Variants in GYPC observed in about 807,000 individuals in gnomAD.
The protein encoded by GYPC is glycophorin C (Gerbich blood group).
A neutral mutation model predicts 12.6 loss-of-function variants in GYPC; 14 were observed. That is an observed-to-expected ratio of 1.11 (90% CI 0.74 to 1.74). The LOEUF is 1.74. Among genes scored for constraint, GYPC ranks in the 40% most tolerant of loss-of-function variants. GYPC has a pLI of 0.00. For missense variants in GYPC, 225 were observed against 172.1 expected, an observed-to-expected ratio of 1.31 and a Z score of -1.72; for synonymous variants, 78 against 62.1, an observed-to-expected ratio of 1.26 and a Z score of -1.20.
intron 3 of GYPC, 113 bp from the exon 4 acceptor site, chr2:126,695,833 T>C: frequency 1.5e-5 from 12 of 815,330 alleles, no homozygotes; most frequent in Non-Finnish European, 2.6e-5. Flanking sequence ...GGAGCATCTC[T>C]TTTGGTTGTG....
In GYPC at chr2:126,682,090, G is replaced by A. The variant is rs928958028; in HGVS notation, c.50-8165G>A. Among the ~76,000 whole-genome samples, 8 of 152,354 alleles carry A rather than the reference G, an allele frequency of 5.3e-5. No homozygotes were observed. In the East Asian group the frequency reaches 1.5e-3, roughly 29 times the overall value. On this transcript the variant is annotated intron_variant, in intron 1 of 3. Transcript: ENST00000259254. ...GTTCTGCGCTCCAGCCACCTCCGGTGGAGCTTGGAGCTGGCAAGTCAAGCA... is the reference window on the plus strand; with the variant it reads ...GTTCTGCGCTCCAGCCACCTCCGGTAGAGCTTGGAGCTGGCAAGTCAAGCA...
chr2:126,658,922 G>C (rs1434836406), intron 1 of GYPC, among the ~76,000 whole-genome samples: 1 of 152,150 alleles, frequency 6.6e-6, no homozygotes, highest in Non-Finnish European at 1.5e-5. Context: ...GTGACAATGA[G>C]TAAGGAGGAT....
At chr2:126,670,943 A>C (rs1049679315) in intron 1 of GYPC, among the ~76,000 whole-genome samples, 2 of 152,032 alleles carry the variant, frequency 1.3e-5, no homozygotes, top group African/African-American at 4.8e-5. Flanking sequence ...AGCCTAAACT[A>C]TTTACTGTCC....
In GYPC at chr2:126,677,106, CTGTG is replaced by C. The variant is rs146069694; in HGVS notation, c.50-13139_50-13136del. The stretch of plus-strand genomic sequence containing the variant: ...AAGTCTAGGCTTCTGTCCCCTGAGG[CTGTG>C]TGTGTGTGTCAGTGTGTGTGCATGT... On this transcript the variant is annotated intron_variant, in intron 1 of 3. Coordinates refer to ENST00000259254, the MANE Select transcript of GYPC (RefSeq NM_002101.5). Among the ~76,000 whole-genome samples, 93 of 152,060 alleles carry C rather than the reference CTGTG, an allele frequency of 6.1e-4. 1 individual carries two copies. In the East Asian group the frequency reaches 0.017, roughly 27 times the overall value.
At chr2:126,666,465 T>C (rs28387109) in intron 1 of GYPC, among the ~76,000 whole-genome samples, 45,854 of 152,102 alleles carry the variant, frequency 0.3, 8,098 homozygotes, top group Non-Finnish European at 0.41. Flanking sequence ...CTCCCTCTTT[T>C]GCAGGTAAAT....
intron 1 of GYPC, among the ~76,000 whole-genome samples, chr2:126,687,842 G>T (rs1683335552): frequency 6.6e-6 from 1 of 152,014 alleles, no homozygotes. Context: ...TTGAGTACAA[G>T]GTCCCTAACC....
chr2:126,677,559 G>A (rs1406317014), intron 1 of GYPC, among the ~76,000 whole-genome samples: 1 of 150,620 alleles, frequency 6.6e-6, no homozygotes, highest in African/African-American at 2.4e-5. Context: ...GTGTGTGTAT[G>A]TGAGTGTATG....
At chr2:126,670,185 G>T (rs1361973110) in intron 1 of GYPC, among the ~76,000 whole-genome samples, 1 of 152,222 alleles carries the variant, frequency 6.6e-6, no homozygotes, top group African/African-American at 2.4e-5. Flanking sequence ...ACTCAGGGAG[G>T]CTTGTGCTGC....
chr2:126,661,321 C>T (rs1163381063), intron 1 of GYPC, among the ~76,000 whole-genome samples: 1 of 152,182 alleles, frequency 6.6e-6, no homozygotes, highest in East Asian at 1.9e-4. Flanking sequence ...ACCTGCCTGG[C>T]TCTGTGGTCC....
rs1378901147 is a variant in GYPC at position 126,689,842 on chromosome 2, G to A, written c.50-413G>A. On this transcript the variant is annotated intron_variant, in intron 1 of 3. Transcript: ENST00000259254. ...CAAATTACCCAAGTATTCAGCTATA[G>A]CAACTCAAATTGGACTGAGACACCT... is the stretch of plus-strand genomic sequence containing the variant. 3.3e-5 allele frequency among the ~76,000 whole-genome samples: 5 copies of A among 152,170 alleles called. No individual in the cohort carries two copies. In the East Asian group the frequency reaches 9.6e-4, roughly 29 times the overall value.
chr2:126,670,544 G>A (rs1682820781), intron 1 of GYPC, among the ~76,000 whole-genome samples: 1 of 152,318 alleles, frequency 6.6e-6, no homozygotes, highest in East Asian at 1.9e-4. Flanking sequence ...AGGCAGCAGG[G>A]ATGTGCCTGC....
chr2:126,677,343 G>C (rs1192411263), intron 1 of GYPC, among the ~76,000 whole-genome samples: 1 of 149,726 alleles, frequency 6.7e-6, no homozygotes, highest in Non-Finnish European at 1.5e-5. Context: ...GTGTAAGAAA[G>C]AATGTGTGTG....
rs1347306524 is a variant in GYPC at position 126,696,306 on chromosome 2, C to T, written c.*164C>T. The T allele has an allele frequency of 1.3e-5, 9 of 677,524 alleles. No individual in the cohort carries two copies. The highest frequency in any genetic ancestry group is 5.3e-5 in the African/African-American group (3 of 56,504). 42.0% of individuals were successfully genotyped at this position (677,524 alleles called of 1,614,324 possible). On this transcript the variant is annotated 3_prime_UTR_variant, in exon 4 of 4. Coordinates refer to ENST00000259254, the MANE Select transcript of GYPC (RefSeq NM_002101.5). ...CACTAGGTGCCTGCCCAGGGAGGAA[C>T]GGAGGAGGACTCGCGCTACAAGAGG...
intron 1 of GYPC, among the ~76,000 whole-genome samples, chr2:126,665,144 A>G (rs547011479): frequency 6.6e-6 from 1 of 152,332 alleles, no homozygotes; most frequent in African/African-American, 2.4e-5. Context: ...GAACAAGATC[A>G]AGAGGAAGGA....
At chr2:126,674,695 C>T (rs1254349413) in intron 1 of GYPC, among the ~76,000 whole-genome samples, 1 of 152,094 alleles carries the variant, frequency 6.6e-6, no homozygotes, top group South Asian at 2.1e-4. Flanking sequence ...GTGGTGTGGT[C>T]GGGTTGGAAG....
At chr2:126,662,221 A>G (rs939597381) in intron 1 of GYPC, among the ~76,000 whole-genome samples, 1 of 152,188 alleles carries the variant, frequency 6.6e-6, no homozygotes, top group African/African-American at 2.4e-5. Context: ...AACCTGATAA[A>G]ACAATGATGC....
At chr2:126,680,099 C>T (rs1267765317) in intron 1 of GYPC, 2 of 152,184 alleles carry the variant, frequency 1.3e-5, no homozygotes, top group African/African-American at 4.8e-5. Context: ...TGCACAACTC[C>T]AGTGGGGGGT....
chr2:126,688,119 T>G (rs796896511), intron 1 of GYPC, among the ~76,000 whole-genome samples: 3 of 152,332 alleles, frequency 2.0e-5, no homozygotes, highest in African/African-American at 7.2e-5. Context: ...TAAAATACAT[T>G]AAATGTTGAG....
At chr2:126,682,545 C>A (rs774545511) in intron 1 of GYPC, among the ~76,000 whole-genome samples, 3 of 152,192 alleles carry the variant, frequency 2.0e-5, no homozygotes, top group Non-Finnish European at 2.9e-5. Flanking sequence ...CAGATGGTAT[C>A]TCCCGCTTCT....
Sources: allele counts gnomAD v4.1 joint callset (sites outside exome capture counted in the v4.1 genomes callset), GRCh38; gene constraint gnomAD v4.1.1; transcripts MANE v1.5; gene names NCBI Gene and HGNC (gene_info 2026-07-23, HGNC 2026-07-21).